TTLL5: variants seen among roughly 807,000 people sequenced by gnomAD.
The protein encoded by TTLL5 is tubulin tyrosine ligase like 5.
TTLL5 carries 132 observed loss-of-function variants against 168.4 expected under a neutral mutation model. The observed-to-expected ratio is 0.78, with a 90% CI of 0.68 to 0.91. The LOEUF is 0.91. TTLL5 is among the 40% of genes least tolerant of loss of function. The pLI, the probability that TTLL5 is intolerant of heterozygous loss-of-function variation, is 0.00. For missense variants in TTLL5, 1,545 were observed against 1,581.5 expected, an observed-to-expected ratio of 0.98 and a Z score of 0.39; for synonymous variants, 546 against 558.6, an observed-to-expected ratio of 0.98 and a Z score of 0.32.
At chr14:75,708,385 G>C (rs1372613068) in intron 9 of TTLL5, among the ~76,000 whole-genome samples, 1 of 151,124 alleles carries the variant, frequency 6.6e-6, no homozygotes. Context: ...TTTTTGAGAT[G>C]GCGTGATCTC....
intron 3 of TTLL5, among the ~76,000 whole-genome samples, chr14:75,669,939 A>G (rs1265440251): frequency 2.6e-5 from 4 of 152,134 alleles, no homozygotes; most frequent in Admixed American, 6.5e-5. Flanking sequence ...GTCCCTGGCA[A>G]CCACTCATCT....
chr14:75,874,223 C>T (rs537816986), intron 29 of TTLL5, among the ~76,000 whole-genome samples: 1 of 152,270 alleles, frequency 6.6e-6, no homozygotes, highest in Non-Finnish European at 1.5e-5. Context: ...TCCTGAGTAG[C>T]TGAGACTATA....
At chr14:75,728,980 T>C (rs1263427999) in intron 12 of TTLL5, among the ~76,000 whole-genome samples, 2 of 152,122 alleles carry the variant, frequency 1.3e-5, no homozygotes, top group African/African-American at 2.4e-5. Context: ...CAGTCAGTTA[T>C]TAGAGAGGGA....
rs377702881 is a variant in TTLL5, at chr14:75,775,559, C to T, written c.2212C>T (p.Arg738Ter). ...ACTGAGGATGGTATTACCCAGTCGACGATTGGCACTTCTGGAACGCAGAAG... is the reference window on the plus strand; with the variant it reads ...ACTGAGGATGGTATTACCCAGTCGATGATTGGCACTTCTGGAACGCAGAAG... ...HSLRMVLPSR[R>*]LALLERRRIL... Residue 738 changes from arginine to a stop codon, truncating the protein, a stop_gained, in exon 22 of 32, where the codon CGA (arginine) becomes TGA (stop). Transcript: ENST00000298832. LOFTEE classifies it high-confidence loss of function. 1.1e-5 allele frequency: 17 copies of T among 1,613,960 alleles called. No individual in the cohort carries two copies. The highest frequency in any genetic ancestry group is 6.7e-5 in the African/African-American group (5 of 74,888).
chr14:75,827,410 G>A (rs1179597667), intron 28 of TTLL5, among the ~76,000 whole-genome samples: 1 of 152,152 alleles, frequency 6.6e-6, no homozygotes, highest in Non-Finnish European at 1.5e-5. Flanking sequence ...CGTAAAGAAA[G>A]ATAATTAGGA....
chr14:75,869,103 T>TCGG (rs2030800506), intron 29 of TTLL5, among the ~76,000 whole-genome samples: 1 of 150,870 alleles, frequency 6.6e-6, no homozygotes, highest in Non-Finnish European at 1.5e-5. Context: ...CTTAATGTCA[T>TCGG]AACCTATTGC....
At chr14:75,840,314 G>T (rs1373947320) in intron 28 of TTLL5, among the ~76,000 whole-genome samples, 2 of 152,156 alleles carry the variant, frequency 1.3e-5, no homozygotes, top group Non-Finnish European at 2.9e-5. Context: ...TGCCATGGTG[G>T]TTTGCTGCAC....
At chr14:75,820,191 G>C in intron 28 of TTLL5, 30 bp downstream of exon 28, 1 of 1,541,586 alleles carries the variant, frequency 6.5e-7, no homozygotes. Flanking sequence ...ACTAGCATTT[G>C]GGTTACTCAG....
intron 29 of TTLL5, among the ~76,000 whole-genome samples, chr14:75,874,038 A>T (rs1464475702): frequency 6.6e-6 from 1 of 152,138 alleles, no homozygotes; most frequent in Non-Finnish European, 1.5e-5. Flanking sequence ...TATGAGAAGA[A>T]TAAAAAGCAT....
At chr14:75,761,966 G>T (rs528696090) in intron 18 of TTLL5, among the ~76,000 whole-genome samples, 4 of 152,254 alleles carry the variant, frequency 2.6e-5, no homozygotes, top group South Asian at 4.1e-4. Context: ...TAGACTGATG[G>T]ATGAAGGATA....
intron 28 of TTLL5, among the ~76,000 whole-genome samples, chr14:75,846,682 AGGG>A (rs1286940355): frequency 1.3e-5 from 2 of 151,834 alleles, no homozygotes; most frequent in East Asian, 3.9e-4. Context: ...CCCAGCTACA[AGGG>A]AGGCTGAGGC....
intron 15 of TTLL5, among the ~76,000 whole-genome samples, chr14:75,739,305 A>G (rs560232535): frequency 1.1e-3 from 162 of 151,902 alleles, no homozygotes; most frequent in Non-Finnish European, 2.0e-3. Context: ...TACATGTTGA[A>G]TTCTTTGACT....
intron 20 of TTLL5, 64 bp from the exon 21 acceptor site, chr14:75,771,670 A>C: frequency 2.5e-6 from 4 of 1,602,344 alleles, no homozygotes; most frequent in Non-Finnish European, 3.4e-6. Context: ...GGAGAGAAGC[A>C]AGTACACATT....
intron 4 of TTLL5, 105 bp from the exon 5 acceptor site, chr14:75,683,445 C>T (rs2090333713): frequency 2.2e-6 from 2 of 896,828 alleles, no homozygotes; most frequent in Admixed American, 1.9e-5. Flanking sequence ...CCGGTGAGTA[C>T]ACTGTGGATG....
At chr14:75,693,846 G>A (rs921161522) in intron 6 of TTLL5, among the ~76,000 whole-genome samples, 1 of 152,188 alleles carries the variant, frequency 6.6e-6, no homozygotes, top group South Asian at 2.1e-4. Flanking sequence ...AATTACAGAT[G>A]ACTAGATTTC....
chr14:75,672,858 T>G (rs1883853401), intron 3 of TTLL5, among the ~76,000 whole-genome samples: 1 of 152,224 alleles, frequency 6.6e-6, no homozygotes, highest in Non-Finnish European at 1.5e-5. Flanking sequence ...GTCCCCACTT[T>G]CACTTCTGAT....
rs116782718 is a variant in TTLL5, at chr14:75,917,183, T to C, written c.3823+14959T>C. Reference sequence around the variant, plus strand: ...TTGAAATTGTTAGGATGGTAAAGTTTATGTTACATGTATTTTGCCACAATT... The same window carrying C: ...TTGAAATTGTTAGGATGGTAAAGTTCATGTTACATGTATTTTGCCACAATT... On this transcript the variant is annotated intron_variant, in intron 31 of 31. Transcript: ENST00000298832. Among the ~76,000 whole-genome samples, 314 of 152,346 alleles carry C rather than the reference T, an allele frequency of 2.1e-3. 2 individuals carry two copies. Among genetic ancestry groups the C allele is most frequent in the African/African-American group, 7.0e-3 (290 of 41,582 alleles).
chr14:75,748,737 G>A (rs574373797), intron 17 of TTLL5, among the ~76,000 whole-genome samples: 1 of 152,332 alleles, frequency 6.6e-6, no homozygotes, highest in African/African-American at 2.4e-5. Flanking sequence ...GCATAAGAGA[G>A]TCTGTTGATC....
At chr14:75,886,994 A>G in intron 30 of TTLL5, 3 of 1,394,042 alleles carry the variant, frequency 2.2e-6, no homozygotes, top group Non-Finnish European at 9.3e-7. Flanking sequence ...TAAGAAACAC[A>G]GACTGAACTG....
Sources: gnomAD v4.1 joint callset for allele counts (sites outside exome capture counted in the v4.1 genomes callset) on GRCh38, gnomAD v4.1.1 for gene constraint, MANE v1.5 for transcripts, NCBI Gene and HGNC (gene_info 2026-07-23, HGNC 2026-07-21) for gene names.